The following STX18 variants were observed in gnomAD, a reference collection of about 807,000 sequenced individuals.
STX18 encodes syntaxin 18.
A neutral mutation model predicts 50.1 loss-of-function variants in STX18; 40 were observed. That is an observed-to-expected ratio of 0.80 (90% confidence interval 0.62 to 1.04). The LOEUF is 1.04. Ranked by LOEUF, STX18 falls within the 50% of genes least tolerant of loss-of-function variation. The pLI is 0.00. For synonymous variants in STX18, 158 were observed against 151.8 expected, an observed-to-expected ratio of 1.04 and a Z score of -0.30; for missense variants, 410 against 415.8, an observed-to-expected ratio of 0.99 and a Z score of 0.12.
intron 1 of STX18, among the ~76,000 whole-genome samples, chr4:4,517,355 G>C (rs904399602): frequency 1.3e-5 from 2 of 152,200 alleles, no homozygotes; most frequent in Non-Finnish European, 2.9e-5. Flanking sequence ...TAGTAAGACA[G>C]TGTAGAATAA....
intron 5 of STX18, among the ~76,000 whole-genome samples, chr4:4,440,152 T>C (rs1442619688): frequency 2.0e-5 from 3 of 152,236 alleles, no homozygotes; most frequent in Admixed American, 1.3e-4. Context: ...TATAAAATTA[T>C]AGGCAGAGTG....
intron 1 of STX18, among the ~76,000 whole-genome samples, chr4:4,491,782 T>G (rs1577370820): frequency 6.6e-6 from 1 of 152,200 alleles, no homozygotes; most frequent in South Asian, 2.1e-4. Flanking sequence ...CAGTGTAATA[T>G]ACGTTAAAGG....
chr4:4,518,023 T>G (rs561775407), intron 1 of STX18, among the ~76,000 whole-genome samples: 64 of 152,328 alleles, frequency 4.2e-4, no homozygotes, highest in African/African-American at 1.5e-3. Context: ...TCCGCCTGCC[T>G]TGGCCTCCCA....
chr4:4,536,189 T>A (rs3910659), intron 1 of STX18, among the ~76,000 whole-genome samples: 2 of 152,052 alleles, frequency 1.3e-5, no homozygotes, highest in African/African-American at 4.8e-5. Flanking sequence ...ATCATGTGAG[T>A]ATCACAGAGC....
chr4:4,498,702 C>A (rs1202563691), intron 1 of STX18, among the ~76,000 whole-genome samples: 1 of 151,934 alleles, frequency 6.6e-6, no homozygotes, highest in African/African-American at 2.4e-5. Flanking sequence ...ATTTAAGGAG[C>A]ATAATAAAAA....
chr4:4,490,212 G>T (rs927212969), intron 1 of STX18, among the ~76,000 whole-genome samples: 2 of 152,052 alleles, frequency 1.3e-5, no homozygotes, highest in African/African-American at 2.4e-5. Context: ...GAAATCTTTC[G>T]AAAGCTCTAC....
intron 1 of STX18, among the ~76,000 whole-genome samples, chr4:4,537,780 T>A (rs1026912020): frequency 3.9e-5 from 6 of 152,202 alleles, no homozygotes; most frequent in Admixed American, 2.0e-4. Flanking sequence ...ATTAAGTGGC[T>A]TCCCCAAGTT....
At position 4,527,868 on chromosome 4, in the gene STX18, A is replaced by C. The variant is rs1192107062; in HGVS notation, c.168+13929T>G. Among the ~76,000 whole-genome samples the C allele has an allele frequency of 5.4e-5, 5 of 93,336 alleles. No individual in the cohort carries two copies. In the East Asian group the frequency reaches 9.0e-4, roughly 17 times the overall value. The allele number at this position is 93,336 out of a possible 152,430, so 61.2% of individuals were successfully genotyped here. On this transcript the variant is annotated intron_variant, in intron 1 of 10. Coordinates refer to ENST00000306200, the MANE Select transcript of STX18 (RefSeq NM_016930.4). Reference sequence around the variant, plus strand: ...TATATATATACACACACACACACACATATATATATATATTAAAAACTACCT... The same window carrying C: ...TATATATATACACACACACACACACCTATATATATATATTAAAAACTACCT...
intron 2 of STX18, among the ~76,000 whole-genome samples, chr4:4,469,386 TAG>T (rs1236660832): frequency 6.6e-6 from 1 of 152,186 alleles, no homozygotes; most frequent in Non-Finnish European, 1.5e-5. Flanking sequence ...GATCCCTGAT[TAG>T]ACTTTCTCCC....
At chr4:4,508,745 C>G (rs1319428039) in intron 1 of STX18, among the ~76,000 whole-genome samples, 1 of 152,074 alleles carries the variant, frequency 6.6e-6, no homozygotes, top group Non-Finnish European at 1.5e-5. Context: ...GTGAGTGTTG[C>G]TCCCCCACCA....
chr4:4,457,674 C>T (rs950593269), intron 3 of STX18, among the ~76,000 whole-genome samples, 174 bp from the exon 4 acceptor site: 5 of 152,146 alleles, frequency 3.3e-5, no homozygotes, highest in African/African-American at 4.8e-5. Flanking sequence ...TATCAGGCTT[C>T]GCAAGAGTGA....
chr4:4,454,485 T>C (rs1726958341), intron 5 of STX18, among the ~76,000 whole-genome samples: 1 of 152,166 alleles, frequency 6.6e-6, no homozygotes, highest in African/African-American at 2.4e-5. Flanking sequence ...GAAGGAGAAA[T>C]CCGCATTCCT....
At position 4,515,344 on chromosome 4, in the gene STX18, C is replaced by A. The variant is rs139350089; in HGVS notation, c.168+26453G>T. On this transcript the variant is annotated intron_variant, in intron 1 of 10. Coordinates refer to ENST00000306200, the MANE Select transcript of STX18 (RefSeq NM_016930.4). ...TAATGGAAAAAAAGAACTTTGACTA[C>A]CACATAAGCAGTTCTAAAAATTGTG... Among the ~76,000 whole-genome samples, 6 of 152,168 alleles carry A rather than the reference C, an allele frequency of 3.9e-5. No homozygotes were observed. The East Asian group carries it at 9.6e-4, about 24-fold the overall frequency.
At chr4:4,445,422 A>G (rs1726341909) in intron 5 of STX18, among the ~76,000 whole-genome samples, 1 of 152,118 alleles carries the variant, frequency 6.6e-6, no homozygotes, top group Admixed American at 6.5e-5. Context: ...CAACAACAAA[A>G]ACAAAAAACA....
At position 4,467,711 on chromosome 4, in the gene STX18, T is replaced by C. The variant is rs542126174; in HGVS notation, c.236+3928A>G. ...GCTTATCAGAGTACCTAACACAGAA[T>C]AAACATTCAGGATGGAAAGATAAGG... is the stretch of plus-strand genomic sequence containing the variant. On this transcript the variant is annotated intron_variant, in intron 2 of 10. Coordinates refer to ENST00000306200, the MANE Select transcript of STX18 (RefSeq NM_016930.4). Among the ~76,000 whole-genome samples the C allele has an allele frequency of 9.7e-4, 102 of 105,352 alleles. No homozygotes were observed. In the Middle Eastern group the frequency reaches 0.061, roughly 63 times the overall value. 69.1% of individuals were successfully genotyped at this position (105,352 alleles called of 152,430 possible).
At chr4:4,459,632 AAGGTGAGAG>A in intron 2 of STX18, 145 bp from the exon 3 acceptor site, 2 of 651,622 alleles carry the variant, frequency 3.1e-6, no homozygotes, top group East Asian at 5.2e-5. Context: ...GCCAGGTGAA[AAGGTGAGAG>A]AACCATCTAG....
intron 6 of STX18, among the ~76,000 whole-genome samples, 167 bp from the exon 7 acceptor site, chr4:4,435,025 C>T (rs1560161902): frequency 6.6e-6 from 1 of 152,210 alleles, no homozygotes; most frequent in Non-Finnish European, 1.5e-5. Context: ...ATGATTCTTT[C>T]ACAACATTTA....
intron 1 of STX18, among the ~76,000 whole-genome samples, chr4:4,533,997 C>A (rs773366914): frequency 6.6e-6 from 1 of 152,208 alleles, no homozygotes; most frequent in Non-Finnish European, 1.5e-5. Context: ...GGCATCCACA[C>A]GGGCCATCCT....
chr4:4,440,051 A>G (rs972836773), intron 5 of STX18, among the ~76,000 whole-genome samples: 3 of 152,236 alleles, frequency 2.0e-5, no homozygotes, highest in Non-Finnish European at 4.4e-5. Flanking sequence ...GAATGAGTGC[A>G]TTATAAATAC....
Sources: gnomAD v4.1 joint callset for allele counts (sites outside exome capture counted in the v4.1 genomes callset) on GRCh38, gnomAD v4.1.1 for gene constraint, MANE v1.5 for transcripts, NCBI Gene and HGNC (gene_info 2026-07-23, HGNC 2026-07-21) for gene names.